EXOC4: variants seen among roughly 807,000 people sequenced by gnomAD.
EXOC4 encodes the protein exocyst complex component 4, also known as SEC8-like 1.
EXOC4 carries 71 observed loss-of-function variants against 107.2 expected under a neutral mutation model. The observed-to-expected ratio is 0.66, with a 90% CI of 0.55 to 0.81. The LOEUF (loss-of-function observed/expected upper bound fraction) is 0.81, where lower values mean the gene tolerates loss of function less well. Ranked by LOEUF, EXOC4 falls within the 30% of genes least tolerant of loss-of-function variation. EXOC4 has a pLI of 0.00. For missense variants in EXOC4, 1,108 were observed against 1,189.6 expected, an observed-to-expected ratio of 0.93 and a Z score of 1.01; for synonymous variants, 456 against 441.2, an observed-to-expected ratio of 1.03 and a Z score of -0.42.
intron 11 of EXOC4, among the ~76,000 whole-genome samples, chr7:133,874,724 T>C (rs995288434): frequency 3.3e-5 from 5 of 152,260 alleles, no homozygotes; most frequent in South Asian, 2.1e-4. Context: ...AATGTATATG[T>C]AGTATGCATC....
chr7:133,852,225 A>AT (rs5887646), intron 11 of EXOC4, among the ~76,000 whole-genome samples: 47,205 of 141,738 alleles, frequency 0.33, 8,435 homozygotes, highest in East Asian at 0.47. Context: ...TGTATAGAGC[A>AT]TTTTTTTTTT....
At chr7:133,967,679 T>C (rs1563074503) in intron 14 of EXOC4, among the ~76,000 whole-genome samples, 1 of 152,250 alleles carries the variant, frequency 6.6e-6, no homozygotes, top group Non-Finnish European at 1.5e-5. Flanking sequence ...TTGATTGCAC[T>C]GTGGTCCCAG....
intron 9 of EXOC4, among the ~76,000 whole-genome samples, chr7:133,519,391 C>T (rs1799940833): frequency 6.6e-6 from 1 of 151,878 alleles, no homozygotes; most frequent in African/African-American, 2.4e-5. Context: ...CCAGTGCGCT[C>T]CAGCCCGGGC....
In EXOC4 at chr7:133,965,878, T is replaced by C. The variant is rs530891387; in HGVS notation, c.2206+27809T>C. 9.8e-5 allele frequency among the ~76,000 whole-genome samples: 15 copies of C among 152,352 alleles called. No homozygotes were observed. In the South Asian group the frequency reaches 3.1e-3, roughly 32 times the overall value. On this transcript the variant is annotated intron_variant, in intron 14 of 17. Coordinates refer to ENST00000253861, the MANE Select transcript of EXOC4 (RefSeq NM_021807.4). ...TCCATGAAGAAAGCCAATGGTATTT[T>C]GATGAGGATAGCATTGAATCTATGA...
At chr7:133,431,536 A>G (rs1244458825) in intron 7 of EXOC4, among the ~76,000 whole-genome samples, 1 of 152,198 alleles carries the variant, frequency 6.6e-6, no homozygotes, top group Non-Finnish European at 1.5e-5. Flanking sequence ...TTTGCTATCT[A>G]CTAGTATTCC....
At chr7:133,620,820 G>A (rs1209653409) in intron 9 of EXOC4, among the ~76,000 whole-genome samples, 1 of 152,186 alleles carries the variant, frequency 6.6e-6, no homozygotes, top group Non-Finnish European at 1.5e-5. Context: ...TGGAGAATCA[G>A]TTAAAGAGTG....
At chr7:134,046,821 A>T (rs1795665304) in intron 17 of EXOC4, among the ~76,000 whole-genome samples, 1 of 152,148 alleles carries the variant, frequency 6.6e-6, no homozygotes, top group Non-Finnish European at 1.5e-5. Context: ...AGCTCTCAGC[A>T]CAGGTCATTA....
intron 10 of EXOC4, among the ~76,000 whole-genome samples, chr7:133,812,959 C>T (rs1343097693): frequency 6.6e-6 from 1 of 152,098 alleles, no homozygotes; most frequent in African/African-American, 2.4e-5. Context: ...AAGGGACTGG[C>T]GAAACAGCCT....
At position 133,374,822 on chromosome 7, in the gene EXOC4, C is replaced by T. The variant is rs374531055; in HGVS notation, c.1008-6C>T. 9.9e-6 allele frequency: 16 copies of T among 1,609,718 alleles called. No homozygotes were observed. The African/African-American group carries it at 1.5e-4, about 15-fold the overall frequency. On this transcript the variant is annotated splice_region_variant and splice_polypyrimidine_tract_variant and intron_variant, in intron 6 of 17. Coordinates refer to ENST00000253861, the MANE Select transcript of EXOC4 (RefSeq NM_021807.4). ...GTAAATGTTATTTATTTGTTTATGC[C>T]ACTAGGTTGCTTCTAGAACTGCTGG...
At chr7:133,988,724 C>T (rs1794177786) in intron 14 of EXOC4, among the ~76,000 whole-genome samples, 1 of 152,028 alleles carries the variant, frequency 6.6e-6, no homozygotes, top group African/African-American at 2.4e-5. Flanking sequence ...AATCATGAGA[C>T]AGCATGATAT....
intron 9 of EXOC4, among the ~76,000 whole-genome samples, chr7:133,505,708 C>CT (rs1299426285): frequency 6.6e-6 from 1 of 152,094 alleles, no homozygotes; most frequent in African/African-American, 2.4e-5. Flanking sequence ...AGATTTTTCT[C>CT]TAATTGCTTG....
chr7:133,449,283 A>T (rs1798287039), intron 7 of EXOC4, among the ~76,000 whole-genome samples: 1 of 152,146 alleles, frequency 6.6e-6, no homozygotes, highest in Admixed American at 6.5e-5. Context: ...CCTCCCCTAG[A>T]GACCCCAGAG....
chr7:134,061,275 T>A (rs1011494983), intron 17 of EXOC4, among the ~76,000 whole-genome samples: 1 of 152,176 alleles, frequency 6.6e-6, no homozygotes. Flanking sequence ...AATATCAACA[T>A]CCTAATACAA....
At chr7:133,984,057 A>G (rs146281325) in intron 14 of EXOC4, among the ~76,000 whole-genome samples, 5 of 152,324 alleles carry the variant, frequency 3.3e-5, no homozygotes, top group African/African-American at 4.8e-5. Flanking sequence ...AGTCTGTACT[A>G]TCAATCACAA....
chr7:133,542,508 A>G (rs922452544), intron 9 of EXOC4, among the ~76,000 whole-genome samples: 3 of 152,176 alleles, frequency 2.0e-5, no homozygotes, highest in Non-Finnish European at 4.4e-5. Context: ...TTACACAGAA[A>G]TGTGGAGAGA....
chr7:133,869,842 A>G (rs543360154), intron 11 of EXOC4, among the ~76,000 whole-genome samples: 2 of 152,292 alleles, frequency 1.3e-5, no homozygotes, highest in South Asian at 4.1e-4. Flanking sequence ...TCTCTTTCCA[A>G]TTATAAGTGA....
In EXOC4 at chr7:133,718,903, A is replaced by G. The variant is rs773886437; in HGVS notation, c.1514+88762A>G. Among the ~76,000 whole-genome samples, 16 of 152,088 alleles carry G rather than the reference A, an allele frequency of 1.1e-4. 1 individual carries two copies. The highest frequency in any genetic ancestry group is 1.8e-4 in the Non-Finnish European group (12 of 67,998). ...AAAGGGCTCATTCTAGGGAGAATAGACTGGATTTGTGGAGGGCCCTTAATG... is the reference window on the plus strand; with the variant it reads ...AAAGGGCTCATTCTAGGGAGAATAGGCTGGATTTGTGGAGGGCCCTTAATG... On this transcript the variant is annotated intron_variant, in intron 10 of 17. Transcript: ENST00000253861.
chr7:133,793,449 C>T (rs1315180413), intron 10 of EXOC4, among the ~76,000 whole-genome samples: 1 of 152,146 alleles, frequency 6.6e-6, no homozygotes, highest in East Asian at 1.9e-4. Context: ...TGCCACCATT[C>T]TGTTTGGCTC....
intron 9 of EXOC4, among the ~76,000 whole-genome samples, chr7:133,620,313 C>T (rs1802299303): frequency 1.3e-5 from 2 of 152,114 alleles, no homozygotes; most frequent in African/African-American, 4.8e-5. Context: ...AGGTGTGAGC[C>T]ACCGGGCCCA....
Sources: allele counts gnomAD v4.1 joint callset (sites outside exome capture counted in the v4.1 genomes callset), GRCh38; gene constraint gnomAD v4.1.1; transcripts MANE v1.5; gene names NCBI Gene and HGNC (gene_info 2026-07-23, HGNC 2026-07-21).